The following RSRC1 variants were observed in gnomAD, a reference collection of about 807,000 sequenced individuals.
The protein encoded by RSRC1 is serine/Arginine-related protein 53.
A neutral mutation model predicts 49.1 loss-of-function variants in RSRC1; 39 were observed. The observed-to-expected ratio is 0.79, with a 90% CI of 0.61 to 1.04. RSRC1 has a LOEUF of 1.04. Ranked by LOEUF, RSRC1 falls within the 50% of genes least tolerant of loss-of-function variation. The probability of loss-of-function intolerance (pLI) is 0.00; values close to 1 mark genes in which losing one functional copy is unlikely to be tolerated. For synonymous variants in RSRC1, 143 were observed against 130.8 expected, an observed-to-expected ratio of 1.09 and a Z score of -0.63; for missense variants, 388 against 402.4, an observed-to-expected ratio of 0.96 and a Z score of 0.31.
chr3:158,205,879 G>A (rs6441180), intron 4 of RSRC1, among the ~76,000 whole-genome samples: 2,433 of 152,134 alleles, frequency 0.016, 86 homozygotes, highest in African/African-American at 0.056. Flanking sequence ...ATTTGTGTTG[G>A]GCCACATTCG....
chr3:158,524,703 G>A (rs1248962043), intron 7 of RSRC1, among the ~76,000 whole-genome samples: 1 of 151,854 alleles, frequency 6.6e-6, no homozygotes, highest in African/African-American at 2.4e-5. Context: ...CCCTTATATA[G>A]AACAATGGAG....
At chr3:158,142,740 A>C (rs1716826838) in intron 3 of RSRC1, among the ~76,000 whole-genome samples, 1 of 151,236 alleles carries the variant, frequency 6.6e-6, no homozygotes, top group African/African-American at 2.4e-5. Context: ...CGTTCATGAG[A>C]GATCCACCCT....
At chr3:158,522,889 A>G (rs996677035) in intron 7 of RSRC1, among the ~76,000 whole-genome samples, 9 of 152,074 alleles carry the variant, frequency 5.9e-5, no homozygotes, top group Non-Finnish European at 7.4e-5. Flanking sequence ...TGACACCTGA[A>G]TACATTTTCC....
chr3:158,116,103 T>G (rs1204005348), intron 1 of RSRC1, among the ~76,000 whole-genome samples: 4 of 152,218 alleles, frequency 2.6e-5, no homozygotes, highest in Non-Finnish European at 4.4e-5. Flanking sequence ...TTTGTTAATG[T>G]CACCGATGAT....
chr3:158,239,229 G>A (rs190782404), intron 4 of RSRC1, among the ~76,000 whole-genome samples: 95 of 151,838 alleles, frequency 6.3e-4, no homozygotes, highest in African/African-American at 2.2e-3. Flanking sequence ...TAGAGAGGAT[G>A]TGGAGAAATA....
At chr3:158,402,904 T>C (rs1318622007) in intron 6 of RSRC1, among the ~76,000 whole-genome samples, 3 of 151,902 alleles carry the variant, frequency 2.0e-5, no homozygotes, top group Non-Finnish European at 4.4e-5. Flanking sequence ...TAGAGCCAGA[T>C]GATAAAATGA....
Position 158,290,112 on chromosome 3 carries a change from G to T in RSRC1, c.495-7927G>T, listed in dbSNP as rs150317872. On this transcript the variant is annotated intron_variant, in intron 4 of 9. Transcript: ENST00000611884. ...CAGTCAATTGGTCCATTATTAGGCT[G>T]TTGTATTGAACCAGTATTTACTGAG... 8.5e-5 allele frequency among the ~76,000 whole-genome samples: 13 copies of T among 152,192 alleles called. No homozygotes were observed. The East Asian group carries it at 2.3e-3, about 27-fold the overall frequency.
chr3:158,120,050 C>G (rs1399098578), intron 1 of RSRC1, among the ~76,000 whole-genome samples: 1 of 151,944 alleles, frequency 6.6e-6, no homozygotes, highest in African/African-American at 2.4e-5. Flanking sequence ...AGGCTGGTCT[C>G]GAACTCCTGA....
At chr3:158,461,915 A>G (rs942503603) in intron 7 of RSRC1, among the ~76,000 whole-genome samples, 2 of 151,108 alleles carry the variant, frequency 1.3e-5, no homozygotes, top group African/African-American at 4.9e-5. Context: ...CAGCAACTAC[A>G]TGGAAGCTGA....
intron 6 of RSRC1, among the ~76,000 whole-genome samples, chr3:158,441,277 T>C (rs917470861): frequency 2.6e-5 from 4 of 152,104 alleles, no homozygotes; most frequent in African/African-American, 9.7e-5. Flanking sequence ...TAGCAATATA[T>C]TGAGTACTAG....
chr3:158,487,975 C>A (rs1222148566), intron 7 of RSRC1, among the ~76,000 whole-genome samples: 499 of 37,344 alleles, frequency 0.013, no homozygotes, highest in Middle Eastern at 0.053. Flanking sequence ...AAAAAAAAAA[C>A]TGGCTGAATG....
chr3:158,282,293 A>G (rs1014535220), intron 4 of RSRC1, among the ~76,000 whole-genome samples: 1 of 152,336 alleles, frequency 6.6e-6, no homozygotes, highest in Admixed American at 6.5e-5. Context: ...TATTCTGTCT[A>G]TTCAAAGTGA....
intron 5 of RSRC1, among the ~76,000 whole-genome samples, chr3:158,331,018 C>T (rs1729512530): frequency 6.6e-6 from 1 of 152,120 alleles, no homozygotes; most frequent in Non-Finnish European, 1.5e-5. Context: ...AGAGCATGTG[C>T]AGGGGAATTC....
intron 4 of RSRC1, among the ~76,000 whole-genome samples, chr3:158,257,791 G>A (rs1327312438): frequency 1.3e-5 from 2 of 151,658 alleles, no homozygotes; most frequent in Non-Finnish European, 2.9e-5. Flanking sequence ...TTTATTTTTG[G>A]TGTGTTTCTT....
At chr3:158,291,019 C>T (rs933170605) in intron 4 of RSRC1, among the ~76,000 whole-genome samples, 1 of 151,986 alleles carries the variant, frequency 6.6e-6, no homozygotes. Flanking sequence ...CATAGTGAGG[C>T]CCTACCTATC....
At chr3:158,125,554 T>C (rs947393118) in intron 3 of RSRC1, among the ~76,000 whole-genome samples, 1 of 152,238 alleles carries the variant, frequency 6.6e-6, no homozygotes, top group African/African-American at 2.4e-5. Context: ...TATTGATGTC[T>C]AGTTTCATTT....
intron 4 of RSRC1, among the ~76,000 whole-genome samples, chr3:158,240,443 C>G (rs553733051): frequency 6.6e-6 from 1 of 152,016 alleles, no homozygotes; most frequent in Non-Finnish European, 1.5e-5. Flanking sequence ...AATAGATTTT[C>G]TGTTATTAAT....
intron 4 of RSRC1, among the ~76,000 whole-genome samples, chr3:158,217,635 C>T (rs776038482): frequency 2.8e-4 from 42 of 151,414 alleles, no homozygotes; most frequent in Non-Finnish European, 5.5e-4. Flanking sequence ...AGCTGATGCC[C>T]TCCCTCCATT....
At chr3:158,535,648 T>G (rs1712674961) in intron 7 of RSRC1, among the ~76,000 whole-genome samples, 1 of 151,340 alleles carries the variant, frequency 6.6e-6, no homozygotes, top group South Asian at 2.1e-4. Flanking sequence ...CTACAACTAT[T>G]ATTAAGCCAT....
Sources: allele counts gnomAD v4.1 joint callset (sites outside exome capture counted in the v4.1 genomes callset), GRCh38; gene constraint gnomAD v4.1.1; transcripts MANE v1.5; gene names NCBI Gene and HGNC (gene_info 2026-07-23, HGNC 2026-07-21).